SLC8A3: variants seen among roughly 807,000 people sequenced by gnomAD.
SLC8A3 encodes sodium/calcium exchanger 3.
In SLC8A3, 37 loss-of-function variants were observed where a neutral mutation model predicts 65.4. The ratio of observed to expected loss-of-function variants is 0.57; its 90% confidence interval spans 0.44 to 0.74. The LOEUF (loss-of-function observed/expected upper bound fraction) is 0.74, where lower values mean the gene tolerates loss of function less well. Ranked by LOEUF, SLC8A3 falls within the 30% of genes least tolerant of loss-of-function variation. The probability of loss-of-function intolerance (pLI) is 0.00; values close to 1 mark genes in which losing one functional copy is unlikely to be tolerated. For synonymous variants in SLC8A3, 461 were observed against 444.5 expected, an observed-to-expected ratio of 1.04 and a Z score of -0.47; for missense variants, 1,112 against 1,172.1, an observed-to-expected ratio of 0.95 and a Z score of 0.75.
intron 3 of SLC8A3, among the ~76,000 whole-genome samples, chr14:70,057,329 G>A (rs957385019): frequency 6.6e-6 from 1 of 152,040 alleles, no homozygotes; most frequent in African/African-American, 2.4e-5. Context: ...TAGATAGATA[G>A]ATAGATAGGC....
chr14:70,126,717 T>C (rs1209146535), intron 2 of SLC8A3, among the ~76,000 whole-genome samples: 1 of 151,974 alleles, frequency 6.6e-6, no homozygotes, highest in Non-Finnish European at 1.5e-5. Context: ...CTTAGCATGC[T>C]GATATCATCC....
At chr14:70,061,343 C>T (rs1304516141) in intron 2 of SLC8A3, among the ~76,000 whole-genome samples, 2 of 152,146 alleles carry the variant, frequency 1.3e-5, no homozygotes, top group Non-Finnish European at 2.9e-5. Flanking sequence ...AGTGGCATTT[C>T]TCTGGGCAAC....
chr14:70,054,634 T>G (rs558309847), intron 3 of SLC8A3, among the ~76,000 whole-genome samples: 1 of 151,898 alleles, frequency 6.6e-6, no homozygotes, highest in African/African-American at 2.4e-5. Flanking sequence ...GGGAGAAGAA[T>G]GAAGAACAGA....
intron 2 of SLC8A3, among the ~76,000 whole-genome samples, chr14:70,081,063 A>G (rs1224722027): frequency 1.3e-5 from 2 of 152,200 alleles, no homozygotes; most frequent in Admixed American, 6.5e-5. Flanking sequence ...GCTGAAGAAA[A>G]TTTATGTGAA....
intron 2 of SLC8A3, among the ~76,000 whole-genome samples, chr14:70,062,763 A>AT (rs1370333972): frequency 6.6e-6 from 1 of 152,074 alleles, no homozygotes; most frequent in Non-Finnish European, 1.5e-5. Flanking sequence ...GTCAAGAGGC[A>AT]TTTTTTTGGG....
Position 70,167,472 on chromosome 14 carries a change from G to A in SLC8A3, c.951C>T (p.Ile317=), listed in dbSNP as rs1488023413. ...KEVDESRREM[I]RILKDLKQKH... Reference sequence around the variant, plus strand: ...TTTGCTTCAGATCCTTGAGAATCCGGATCATCTCTCTGCGGGACTCATCCA... The same window carrying A: ...TTTGCTTCAGATCCTTGAGAATCCGAATCATCTCTCTGCGGGACTCATCCA... The change falls in exon 2 of 7, where the codon ATC becomes ATT. Residue 317 remains isoleucine (I), a synonymous_variant. Transcript: ENST00000356921. 1.9e-6 allele frequency: 3 copies of A among 1,614,090 alleles called. No individual in the cohort carries two copies. The highest frequency in any genetic ancestry group is 2.2e-5 in the East Asian group (1 of 44,882).
rs1017787342 is a variant in SLC8A3 at position 70,112,885 on chromosome 14, T to A, written c.1785-51946A>T. Among the ~76,000 whole-genome samples the A allele has an allele frequency of 3.0e-4, 46 of 152,210 alleles. 1 individual carries two copies. Among genetic ancestry groups the A allele is most frequent in the Admixed American group, 3.0e-3 (46 of 15,286 alleles). ...TTCTCACATGGCCTTCTCCCCTGTC[T>A]GTGTTCCTTTTCCTTTTCTTACAAG... On this transcript the variant is annotated intron_variant, in intron 2 of 6. Transcript: ENST00000356921.
At chr14:70,111,385 T>A (rs935413702) in intron 2 of SLC8A3, among the ~76,000 whole-genome samples, 2 of 152,210 alleles carry the variant, frequency 1.3e-5, no homozygotes, top group Non-Finnish European at 2.9e-5. Flanking sequence ...AAGTAATAAA[T>A]TTGTATTTTA....
At chr14:70,169,190 TC>T in intron 1 of SLC8A3, among the ~76,000 whole-genome samples, 1 of 152,150 alleles carries the variant, frequency 6.6e-6, no homozygotes, top group African/African-American at 2.4e-5. Flanking sequence ...AGAAACTTCC[TC>T]CCCGAATGCA....
At chr14:70,181,952 G>A (rs1451305569) in intron 1 of SLC8A3, among the ~76,000 whole-genome samples, 1 of 152,160 alleles carries the variant, frequency 6.6e-6, no homozygotes, top group Non-Finnish European at 1.5e-5. Context: ...GAAAATCAAC[G>A]TAAAGCACTT....
At chr14:70,075,625 T>C (rs1304297180) in intron 2 of SLC8A3, among the ~76,000 whole-genome samples, 1 of 152,128 alleles carries the variant, frequency 6.6e-6, no homozygotes, top group Non-Finnish European at 1.5e-5. Context: ...TAAACCACTT[T>C]CTCTTCTTAC....
At chr14:70,176,610 T>C (rs1897924701) in intron 1 of SLC8A3, among the ~76,000 whole-genome samples, 2 of 152,250 alleles carry the variant, frequency 1.3e-5, no homozygotes. Flanking sequence ...TAGCAGATCA[T>C]GCGTTGACGC....
chr14:70,072,531 A>G (rs1050937136), intron 2 of SLC8A3, among the ~76,000 whole-genome samples: 2 of 152,142 alleles, frequency 1.3e-5, no homozygotes, highest in Admixed American at 1.3e-4. Flanking sequence ...TTCTTACAGA[A>G]TAAAGACTTA....
intron 2 of SLC8A3, among the ~76,000 whole-genome samples, chr14:70,132,385 T>TA (rs1566800794): frequency 6.6e-6 from 1 of 152,222 alleles, no homozygotes; most frequent in African/African-American, 2.4e-5. Context: ...TTAGTGCTTT[T>TA]AAAAAAGTTG....
In SLC8A3 at chr14:70,166,869, C is replaced by T; in HGVS notation, c.1554G>A (p.Val518=). ...CATCATCCAAGATGGTAACTGTGGC[C>T]ACACAAGGGGAGGCTAGGACAGCCC... The part of the protein sequence containing the change: ...LPRAVLASPC[V]ATVTILDDDH... Residue 518 remains valine (V), a synonymous_variant, in exon 2 of 7, where the codon GTG becomes GTA. Coordinates refer to ENST00000356921, the MANE Select transcript of SLC8A3 (RefSeq NM_182932.3). 6.2e-7 allele frequency: 1 copy of T among 1,614,100 alleles called. No homozygotes were observed. Among genetic ancestry groups the T allele is most frequent in the Non-Finnish European group, 8.5e-7 (1 of 1,179,952 alleles).
chr14:70,180,430 G>T (rs1311850761), intron 1 of SLC8A3, among the ~76,000 whole-genome samples: 2 of 152,130 alleles, frequency 1.3e-5, no homozygotes, highest in African/African-American at 4.8e-5. Flanking sequence ...TTACAAGGGG[G>T]TGCTAGGAGC....
At chr14:70,065,353 T>C (rs191711150) in intron 2 of SLC8A3, among the ~76,000 whole-genome samples, 116 of 152,218 alleles carry the variant, frequency 7.6e-4, no homozygotes, top group African/African-American at 2.8e-3. Flanking sequence ...ACCTGGTCCC[T>C]GCCACCCCAC....
At chr14:70,127,667 T>A (rs1894558325) in intron 2 of SLC8A3, among the ~76,000 whole-genome samples, 1 of 152,116 alleles carries the variant, frequency 6.6e-6, no homozygotes. Context: ...CCAAACACAA[T>A]TAACAGGATA....
At chr14:70,150,588 C>A (rs573861724) in intron 2 of SLC8A3, among the ~76,000 whole-genome samples, 1 of 152,128 alleles carries the variant, frequency 6.6e-6, no homozygotes, top group Non-Finnish European at 1.5e-5. Context: ...CTCCCATCAC[C>A]GCTGCTCTCC....
Sources: gnomAD v4.1 joint callset for allele counts (sites outside exome capture counted in the v4.1 genomes callset) on GRCh38, gnomAD v4.1.1 for gene constraint, MANE v1.5 for transcripts, NCBI Gene and HGNC (gene_info 2026-07-23, HGNC 2026-07-21) for gene names.